CCDC183: variants seen among roughly 807,000 people sequenced by gnomAD.
CCDC183 encodes the protein coiled-coil domain containing 183.
CCDC183 carries 63 observed loss-of-function variants against 65.2 expected under a neutral mutation model. The observed-to-expected ratio is 0.97, with a 90% CI of 0.79 to 1.19. The LOEUF is 1.19. Among genes scored for constraint, CCDC183 ranks in the 50% most tolerant of loss-of-function variants. The pLI, the probability that CCDC183 is intolerant of heterozygous loss-of-function variation, is 0.00. For missense variants in CCDC183, 769 were observed against 689.3 expected (o/e 1.12, Z -1.30); for synonymous variants, 323 against 276.5 (o/e 1.17, Z -1.67).
chr9:136,799,184 C>T lies in CCDC183; in HGVS notation c.153C>T (p.Asn51=). 6.2e-7 allele frequency: 1 copy of T among 1,611,442 alleles called. No homozygotes were observed. Reference sequence around the variant, plus strand: ...CCACGCTGGCCCTCCTGCGCAGCAACATCCGCCGCGGGGCCCAGGACTGGG... The same window carrying T: ...CCACGCTGGCCCTCCTGCGCAGCAATATCCGCCGCGGGGCCCAGGACTGGG... ...NKATLALLRS[N]IRRGAQDWAL... The change falls in exon 2 of 14, where the codon AAC becomes AAT. Residue 51 remains asparagine (N), a synonymous_variant. Coordinates refer to ENST00000338005, the MANE Select transcript of CCDC183 (RefSeq NM_001039374.5).
chr9:136,800,224 G>C (rs987384554), intron 4 of CCDC183, 55 bp downstream of exon 4: 11 of 1,387,290 alleles, frequency 7.9e-6, no homozygotes, highest in African/African-American at 1.4e-5. Context: ...AAGACTCACG[G>C]GAGGGGCGGG....
At chr9:136,807,092 G>C (rs1256903732) in intron 13 of CCDC183, 26 bp downstream of exon 13, 2 of 1,607,186 alleles carry the variant, frequency 1.2e-6, no homozygotes, top group Non-Finnish European at 1.7e-6. Context: ...CTGGGGCCCG[G>C]GCTGCAGGCG....
chr9:136,807,699 C>T lies in CCDC183; in HGVS notation c.*9C>T, dbSNP rs1009863932. 1 of 1,592,002 alleles carries T rather than the reference C, an allele frequency of 6.3e-7. No homozygotes were observed. Among genetic ancestry groups the T allele is most frequent in the Non-Finnish European group, 8.6e-7 (1 of 1,169,320 alleles). On this transcript the variant is annotated 3_prime_UTR_variant, in exon 14 of 14. Transcript: ENST00000338005. The stretch of plus-strand genomic sequence containing the variant: ...AGAAAAAGAAGAAGTAGCCCCGCCG[C>T]CCCGCTCCCTGCTTTGCTACACAAA...
Position 136,805,366 on chromosome 9 carries a change from A to G in CCDC183, c.857A>G (p.Lys286Arg). ...MSTETLKLRR[K>R]ETSTAEMEYQ... is the part of the protein sequence containing the mutation. ...CCCTCTGCTCTGCCAGTGAGGAGAAAAGAGACCTCCACAGCAGAAATGGAA... is the reference window on the plus strand; with the variant it reads ...CCCTCTGCTCTGCCAGTGAGGAGAAGAGAGACCTCCACAGCAGAAATGGAA... The change falls in exon 9 of 14, where the codon AAA (lysine) becomes AGA (arginine). Residue 286 changes from lysine (K) to arginine (R), a missense_variant. Transcript: ENST00000338005. 6.2e-7 allele frequency: 1 copy of G among 1,613,258 alleles called. No homozygotes were observed. The highest frequency in any genetic ancestry group is 8.5e-7 in the Non-Finnish European group (1 of 1,179,738).
At chr9:136,800,575 CG>C (rs1164641685) in intron 5 of CCDC183, 82 bp downstream of exon 5, 1 of 1,029,612 alleles carries the variant, frequency 9.7e-7, no homozygotes, top group African/African-American at 1.6e-5. Context: ...GGAGCCGCCC[CG>C]CACCCGCCAG....
intron 9 of CCDC183, 68 bp from the exon 10 acceptor site, chr9:136,806,010 G>A: frequency 1.5e-6 from 2 of 1,354,254 alleles, no homozygotes; most frequent in African/African-American, 1.5e-5. Flanking sequence ...GAAGAAACCA[G>A]TTCTGTGAAG....
intron 5 of CCDC183, 175 bp downstream of exon 5, chr9:136,800,668 T>C (rs1564348903): frequency 3.4e-6 from 2 of 595,716 alleles, no homozygotes; most frequent in Non-Finnish European, 6.0e-6. Context: ...CATTTTTGGC[T>C]ATTCCAAAAA....
At position 136,799,598 on chromosome 9, in the gene CCDC183, A is replaced by C. The variant is rs1847704365; in HGVS notation, c.193-115A>C. 9 of 890,494 alleles carry C rather than the reference A, an allele frequency of 1.0e-5. No individual in the cohort carries two copies. The East Asian group carries it at 2.1e-4, about 21-fold the overall frequency. 55.2% of individuals were successfully genotyped at this position (890,494 alleles called of 1,614,324 possible). On this transcript the variant is annotated intron_variant, in intron 2 of 13. Transcript: ENST00000338005. ...CTCTCTGCTCCTCGTGGAAGCAGGG[A>C]TCTCGCTACTGGGCTAGCGTGGGAT... is the stretch of plus-strand genomic sequence containing the variant.
At chr9:136,805,211 G>A in intron 8 of CCDC183, 146 bp from the exon 9 acceptor site, 1 of 658,700 alleles carries the variant, frequency 1.5e-6, no homozygotes, top group Non-Finnish European at 2.6e-6. Flanking sequence ...GGAGCAGGTT[G>A]GGGCGGGGGC....
Position 136,806,921 on chromosome 9 carries a change from G to A in CCDC183, c.1390-49G>A, listed in dbSNP as rs753236362. 7.4e-6 allele frequency: 12 copies of A among 1,613,298 alleles called. No homozygotes were observed. The East Asian group carries it at 2.7e-4, about 36-fold the overall frequency. The stretch of plus-strand genomic sequence containing the variant: ...AGCCCACGTCCCCTCAAAGCTGACA[G>A]GCTCCCGTTCAGAGTGTCTGCACGG... On this transcript the variant is annotated intron_variant, in intron 12 of 13. Transcript: ENST00000338005.
intron 4 of CCDC183, 53 bp from the exon 5 acceptor site, chr9:136,800,336 C>T: frequency 3.9e-6 from 6 of 1,526,788 alleles, no homozygotes; most frequent in South Asian, 1.2e-5. Flanking sequence ...GCCCCGACAC[C>T]CTCCGGGCGG....
rs563866587 is a variant in CCDC183 at position 136,804,069 on chromosome 9, G to A, written c.667-433G>A. ...TCCTCAAGAGGCAACCCCACTAAGC[G>A]CTGGCAACGAGAGTGGCGAGGGTGA... On this transcript the variant is annotated intron_variant, in intron 6 of 13. Coordinates refer to ENST00000338005, the MANE Select transcript of CCDC183 (RefSeq NM_001039374.5). The surrounding 1 kb of genome is among the most constrained non-coding windows in gnomAD (Gnocchi z 4.1). 45 of 188,350 alleles carry A rather than the reference G, an allele frequency of 2.4e-4. No homozygotes were observed. Among genetic ancestry groups the A allele is most frequent in the South Asian group, 6.0e-4 (6 of 10,066 alleles). The allele number at this position is 188,350 out of a possible 1,614,324, so 11.7% of individuals were successfully genotyped here. A position where few individuals can be genotyped will look rare whatever the true frequency, so the allele number is the denominator to read the frequency against.
In CCDC183 at chr9:136,799,188, C is replaced by G. The variant is rs758109824; in HGVS notation, c.157C>G (p.Arg53Gly). 4 of 1,610,772 alleles carry G rather than the reference C, an allele frequency of 2.5e-6. No homozygotes were observed. Among genetic ancestry groups the G allele is most frequent in the Non-Finnish European group, 1.7e-6 (2 of 1,178,848 alleles). The stretch of plus-strand genomic sequence containing the variant: ...GCTGGCCCTCCTGCGCAGCAACATC[C>G]GCCGCGGGGCCCAGGACTGGGCTTT... ...ATLALLRSNI[R>G]RGAQDWALAK... is the part of the protein sequence containing the mutation. Residue 53 changes from arginine to glycine, a missense_variant, in exon 2 of 14, where the codon CGC becomes GGC. Arg to Gly is a moderately radical substitution (Grantham distance 125). Transcript: ENST00000338005.
At chr9:136,800,628 G>A (rs1295389982) in intron 5 of CCDC183, 135 bp downstream of exon 5, 5 of 636,328 alleles carry the variant, frequency 7.9e-6, no homozygotes, top group African/African-American at 3.7e-5. Context: ...GCAGGACGCC[G>A]AGGCATGTGG....
intron 5 of CCDC183, 31 bp downstream of exon 5, chr9:136,800,524 T>A: frequency 2.1e-6 from 3 of 1,403,722 alleles, no homozygotes; most frequent in Non-Finnish European, 3.0e-6. Context: ...AGGGCGGGGG[T>A]CAGGGGCTGG....
intron 13 of CCDC183, 126 bp downstream of exon 13, chr9:136,807,192 T>A: frequency 1.2e-6 from 1 of 823,118 alleles, no homozygotes; most frequent in Non-Finnish European, 2.0e-6. Context: ...GCATCAGTTG[T>A]ACCTGCAGGA....
chr9:136,806,622 A>T lies in CCDC183; in HGVS notation c.1228A>T (p.Ile410Phe). The T allele has an allele frequency of 6.2e-7, 1 of 1,613,780 alleles. No homozygotes were observed. Among genetic ancestry groups the T allele is most frequent in the Non-Finnish European group, 8.5e-7 (1 of 1,180,048 alleles). The part of the protein sequence containing the change: ...QELLLTIQMG[I>F]DNLYVRLMGI... ...GCTGCTGCTGACCATCCAGATGGGC[A>T]TCGACAACCTCTATGTCCGGCTGAT... The change falls in exon 11 of 14, where the codon ATC becomes TTC. Residue 410 changes from isoleucine (I) to phenylalanine (F), a missense_variant. Transcript: ENST00000338005.
At chr9:136,803,254 G>A (rs572673695) in intron 6 of CCDC183, among the ~76,000 whole-genome samples, 10 of 91,832 alleles carry the variant, frequency 1.1e-4, no homozygotes, top group Non-Finnish European at 2.1e-4. Context: ...TCTTCGGATG[G>A]GGTCAAGGTG....
Position 136,796,352 on chromosome 9 carries a change from G to A in CCDC183, c.-46G>A, listed in dbSNP as rs1847649439. On this transcript the variant is annotated 5_prime_UTR_variant, in exon 1 of 14. Transcript: ENST00000338005. ...CGGCTCTGAGCAAGCTGAGCCCAGG[G>A]AGGCTTTGAGGTACACAGGGTCCCT... 7.7e-7 allele frequency: 1 copy of A among 1,302,482 alleles called. No homozygotes were observed. The highest frequency in any genetic ancestry group is 2.4e-5 in the East Asian group (1 of 41,050). 80.7% of individuals were successfully genotyped at this position (1,302,482 alleles called of 1,614,324 possible).
Sources: gnomAD v4.1 joint callset for allele counts (sites outside exome capture counted in the v4.1 genomes callset) on GRCh38, gnomAD v4.1.1 for gene constraint, Gnocchi (gnomAD v3.1) non-coding constraint, MANE v1.5 for transcripts, NCBI Gene and HGNC (gene_info 2026-07-23, HGNC 2026-07-21) for gene names.